Variants in FAT3 observed in about 807,000 individuals in gnomAD.
FAT3 encodes FAT atypical cadherin 3.
A neutral mutation model predicts 310.2 loss-of-function variants in FAT3; 95 were observed. The ratio of observed to expected loss-of-function variants is 0.31; its 90% CI spans 0.26 to 0.36. The LOEUF (loss-of-function observed/expected upper bound fraction) is 0.36, where lower values mean the gene tolerates loss of function less well. Ranked by LOEUF, FAT3 falls within the 10% of genes least tolerant of loss-of-function variation. The probability of loss-of-function intolerance (pLI) is 1.00; values close to 1 mark genes in which losing one functional copy is unlikely to be tolerated. For synonymous variants in FAT3, 2,314 were observed against 2,192.9 expected (o/e 1.06, Z -1.54); for missense variants, 5,408 against 5,715.6 (o/e 0.95, Z 1.74).
At chr11:92,640,176 G>A (rs568430098) in intron 3 of FAT3, among the ~76,000 whole-genome samples, 1 of 152,084 alleles carries the variant, frequency 6.6e-6, no homozygotes, top group East Asian at 1.9e-4. Context: ...GAAGACACAA[G>A]AGAATCTCAG....
intron 3 of FAT3, among the ~76,000 whole-genome samples, chr11:92,630,819 C>T (rs569624063): frequency 2.6e-5 from 4 of 152,242 alleles, no homozygotes; most frequent in African/African-American, 9.6e-5. Context: ...CTATTGAATG[C>T]TTAACTCCAT....
At position 92,858,997 on chromosome 11, in the gene FAT3, A is replaced by C. The variant is rs569224847; in HGVS notation, c.11501-168A>C. Among the ~76,000 whole-genome samples the C allele has an allele frequency of 2.0e-5, 3 of 152,246 alleles. No homozygotes were observed. In the East Asian group the frequency reaches 5.8e-4, roughly 29 times the overall value. ...ACTCTGAAATTAGAGTGTGATGTGA[A>C]ATGGAAAACTGGTTTTTAATCAAAA... On this transcript the variant is annotated intron_variant, in intron 20 of 27. Coordinates refer to ENST00000525166, the MANE Select transcript of FAT3 (RefSeq NM_001367949.2).
intron 3 of FAT3, among the ~76,000 whole-genome samples, chr11:92,625,649 T>C (rs1468942426): frequency 6.6e-6 from 1 of 152,140 alleles, no homozygotes; most frequent in African/African-American, 2.4e-5. Flanking sequence ...AAAGTTGTCA[T>C]TGGCTATGGC....
chr11:92,531,143 CCTTGCTCCTT>C (rs1346980614), intron 3 of FAT3, among the ~76,000 whole-genome samples: 3 of 152,080 alleles, frequency 2.0e-5, no homozygotes, highest in South Asian at 2.1e-4. Context: ...TGTAAATCAC[CCTTGCTCCTT>C]CTTTCAGCCA....
intron 13 of FAT3, among the ~76,000 whole-genome samples, chr11:92,817,837 C>T (rs1366323542): frequency 6.6e-6 from 1 of 152,174 alleles, no homozygotes; most frequent in African/African-American, 2.4e-5. Context: ...CAGTGGTTTT[C>T]CTGCCTCTTC....
At chr11:92,607,857 C>T (rs950803978) in intron 3 of FAT3, among the ~76,000 whole-genome samples, 4 of 152,060 alleles carry the variant, frequency 2.6e-5, no homozygotes, top group Non-Finnish European at 4.4e-5. Context: ...TTCTATATAC[C>T]TTTAATATTA....
rs537765652 is a variant in FAT3, at chr11:92,840,704, G to T, written c.10511G>T (p.Arg3504Leu). 24 of 1,607,880 alleles carry T rather than the reference G, an allele frequency of 1.5e-5. No individual in the cohort carries two copies. The highest frequency in any genetic ancestry group is 2.0e-5 in the Non-Finnish European group (23 of 1,175,014). The change falls in exon 18 of 28, where the codon CGG becomes CTG. Residue 3504 changes from arginine (R) to leucine (L), a missense_variant. Arg to Leu is a moderately radical substitution (Grantham distance 102). Transcript: ENST00000525166. ...GTGTTGGACCCTCATGGGATCTTGC[G>T]GTCGGCTGTGGTCTTCCAGCACACA... The part of the protein sequence containing the change: ...EFVLDPHGIL[R>L]SAVVFQHTES...
chr11:92,582,625 T>C (rs890566176), intron 3 of FAT3, among the ~76,000 whole-genome samples: 2 of 152,044 alleles, frequency 1.3e-5, no homozygotes, highest in African/African-American at 2.4e-5. Flanking sequence ...GGACTTCAGA[T>C]GAAATCTGCT....
At chr11:92,430,104 T>G (rs1950732323) in intron 2 of FAT3, among the ~76,000 whole-genome samples, 1 of 152,236 alleles carries the variant, frequency 6.6e-6, no homozygotes, top group South Asian at 2.1e-4. Flanking sequence ...TAATCTTGTC[T>G]TCACACTTTA....
chr11:92,683,160 T>A (rs1943537021), intron 3 of FAT3, among the ~76,000 whole-genome samples: 1 of 151,854 alleles, frequency 6.6e-6, no homozygotes, highest in African/African-American at 2.4e-5. Flanking sequence ...CTTTCTAATG[T>A]GGTCTTGGTC....
intron 1 of FAT3, among the ~76,000 whole-genome samples, chr11:92,233,207 CTT>C (rs1350769361): frequency 6.6e-6 from 1 of 152,160 alleles, no homozygotes; most frequent in Admixed American, 6.5e-5. Context: ...CTGTTTATAA[CTT>C]AGATTTTGGC....
chr11:92,891,409 G>A lies in FAT3; in HGVS notation c.*296G>A. The A allele has an allele frequency of 2.3e-6, 1 of 428,408 alleles. No individual in the cohort carries two copies. The highest frequency in any genetic ancestry group is 4.4e-6 in the Non-Finnish European group (1 of 229,740). The allele number at this position is 428,408 out of a possible 1,614,324, so 26.5% of individuals were successfully genotyped here. A position where few individuals can be genotyped will look rare whatever the true frequency, so the allele number is the denominator to read the frequency against. ...ATTATTTCACCCACTAAGTTATACA[G>A]CCAGTCTTGTATGGCTTTGTGCAGT... On this transcript the variant is annotated 3_prime_UTR_variant, in exon 28 of 28. Transcript: ENST00000525166.
chr11:92,719,385 C>T (rs1944789037), intron 4 of FAT3, among the ~76,000 whole-genome samples: 2 of 152,250 alleles, frequency 1.3e-5, no homozygotes, highest in East Asian at 1.9e-4. Context: ...ATAGTCGTCT[C>T]TCAATATCCG....
chr11:92,534,733 A>G (rs1333571798), intron 3 of FAT3, among the ~76,000 whole-genome samples: 3 of 152,220 alleles, frequency 2.0e-5, no homozygotes, highest in Admixed American at 6.5e-5. Flanking sequence ...GAGAAAAAGT[A>G]ACATTTTCGT....
intron 2 of FAT3, among the ~76,000 whole-genome samples, chr11:92,516,444 C>T (rs1283224627): frequency 2.0e-5 from 3 of 152,120 alleles, no homozygotes; most frequent in African/African-American, 7.2e-5. Flanking sequence ...AACACCCCTT[C>T]ATACTAAAAA....
At chr11:92,461,800 C>T (rs868162551) in intron 2 of FAT3, among the ~76,000 whole-genome samples, 2 of 152,150 alleles carry the variant, frequency 1.3e-5, no homozygotes, top group South Asian at 2.1e-4. Context: ...AGGGGAATGA[C>T]GGTGTTTAGA....
chr11:92,577,171 C>T (rs1938526598), intron 3 of FAT3, among the ~76,000 whole-genome samples: 4 of 151,984 alleles, frequency 2.6e-5, no homozygotes, highest in Admixed American at 2.6e-4. Context: ...AGTGCAGTGA[C>T]ATGATCTTGG....
intron 3 of FAT3, among the ~76,000 whole-genome samples, chr11:92,538,127 A>G (rs555763828): frequency 2.6e-5 from 4 of 152,212 alleles, no homozygotes; most frequent in African/African-American, 9.6e-5. Flanking sequence ...TCTTAGATGG[A>G]TATTTGCTGG....
chr11:92,421,958 C>T (rs1342744641), intron 2 of FAT3, among the ~76,000 whole-genome samples: 1 of 152,200 alleles, frequency 6.6e-6, no homozygotes, highest in Admixed American at 6.5e-5. Context: ...AATCAGCCAA[C>T]AAGTGTGATG....
Sources: gnomAD v4.1 joint callset for allele counts (sites outside exome capture counted in the v4.1 genomes callset) on GRCh38, gnomAD v4.1.1 for gene constraint, MANE v1.5 for transcripts, NCBI Gene and HGNC (gene_info 2026-07-23, HGNC 2026-07-21) for gene names.